KIF13A: variants seen among roughly 807,000 people sequenced by gnomAD.
The protein encoded by KIF13A is kinesin family member 13A.
KIF13A carries 79 observed loss-of-function variants against 212.2 expected under a neutral mutation model. That is an observed-to-expected ratio of 0.37 (90% confidence interval 0.31 to 0.45). KIF13A has a LOEUF of 0.45. Among genes scored for constraint, KIF13A ranks in the 20% least tolerant of loss-of-function variants. The pLI, the probability that KIF13A is intolerant of heterozygous loss-of-function variation, is 1.00. For synonymous variants in KIF13A, 789 were observed against 808.6 expected, an observed-to-expected ratio of 0.98 and a Z score of 0.41; for missense variants, 1,901 against 2,209.0, an observed-to-expected ratio of 0.86 and a Z score of 2.79.
Position 17,892,613 on chromosome 6 carries a change from A to T in KIF13A, c.159+5555T>A, listed in dbSNP as rs1233966836. Among the ~76,000 whole-genome samples, 1 of 152,218 alleles carries T rather than the reference A, an allele frequency of 6.6e-6. No individual in the cohort carries two copies. On this transcript the variant is annotated intron_variant, in intron 3 of 38. Coordinates refer to ENST00000259711, the MANE Select transcript of KIF13A (RefSeq NM_022113.6). This position sits in a 1 kb window ranked among gnomAD's most constrained non-coding sequence, Gnocchi z 4.7. Reference sequence around the variant, plus strand: ...CAAGGCAGGATTAGAGGGTTGGAACATTTAGCCCAATTCTTGACTTCTGGG... The same window carrying T: ...CAAGGCAGGATTAGAGGGTTGGAACTTTTAGCCCAATTCTTGACTTCTGGG...
At chr6:17,830,942 T>C (rs1765391855) in intron 13 of KIF13A, among the ~76,000 whole-genome samples, 159 bp downstream of exon 13, 3 of 152,226 alleles carry the variant, frequency 2.0e-5, no homozygotes, top group African/African-American at 4.8e-5. Flanking sequence ...AATAGCTGTT[T>C]TTCCTTCTCA....
chr6:17,987,407 A>G lies in KIF13A; in HGVS notation c.55+2T>C. On this transcript the variant is annotated splice_donor_variant, in intron 1 of 38. Transcript: ENST00000259711. LOFTEE classifies it high-confidence loss of function. This position sits in a 1 kb window ranked among gnomAD's most constrained non-coding sequence, Gnocchi z 7.7. ...AATAAAAAAGAGCGGAAAGCTCCTC[A>G]CCTCGTCGGTTCATGGGCCGGACCC... is the stretch of plus-strand genomic sequence containing the variant. 1 of 1,370,746 alleles carries G rather than the reference A, an allele frequency of 7.3e-7. No individual in the cohort carries two copies. The highest frequency in any genetic ancestry group is 9.7e-7 in the Non-Finnish European group (1 of 1,033,492). The allele number at this position is 1,370,746 out of a possible 1,614,324, so 84.9% of individuals were successfully genotyped here.
intron 2 of KIF13A, among the ~76,000 whole-genome samples, chr6:17,933,685 TCCAAAAGC>T (rs1776204280): frequency 6.6e-6 from 1 of 152,184 alleles, no homozygotes; most frequent in African/African-American, 2.4e-5. Flanking sequence ...TATGTACAGT[TCCAAAAGC>T]AACTACTTTA....
chr6:17,796,941 G>T, intron 22 of KIF13A, 121 bp from the exon 23 acceptor site: 1 of 505,922 alleles, frequency 2.0e-6, no homozygotes, highest in Non-Finnish European at 3.1e-6. Flanking sequence ...CCTTAAATCC[G>T]TCTCTTCTGT....
chr6:17,777,200 G>A lies in KIF13A; in HGVS notation c.4170+77C>T. The A allele has an allele frequency of 8.7e-7, 1 of 1,144,754 alleles. No individual in the cohort carries two copies. 70.9% of individuals were successfully genotyped at this position (1,144,754 alleles called of 1,614,324 possible). ...CAGTTCCATAAGCTCTACTGCCACT[G>A]TGTGAATCCCACCTTCCCCCACCCC... is the stretch of plus-strand genomic sequence containing the variant. On this transcript the variant is annotated intron_variant, in intron 34 of 38. Transcript: ENST00000259711. The surrounding 1 kb of genome is among the most constrained non-coding windows in gnomAD (Gnocchi z 4.4).
intron 29 of KIF13A, among the ~76,000 whole-genome samples, chr6:17,781,625 T>G (rs1370786842): frequency 3.2e-5 from 3 of 93,522 alleles, no homozygotes; most frequent in African/African-American, 1.1e-4. Flanking sequence ...GTACTTGGGT[T>G]TTTTTTTTTT....
chr6:17,843,323 G>A lies in KIF13A; in HGVS notation c.831-5740C>T, dbSNP rs975187197. Among the ~76,000 whole-genome samples the A allele has an allele frequency of 6.6e-6, 1 of 152,182 alleles. No individual in the cohort carries two copies. The highest frequency in any genetic ancestry group is 1.5e-5 in the Non-Finnish European group (1 of 68,040). On this transcript the variant is annotated intron_variant, in intron 9 of 38. Coordinates refer to ENST00000259711, the MANE Select transcript of KIF13A (RefSeq NM_022113.6). This position sits in a 1 kb window ranked among gnomAD's most constrained non-coding sequence, Gnocchi z 5.3. The stretch of plus-strand genomic sequence containing the variant: ...TGCTAACAGAACACTGGTTTTCCTG[G>A]AAGCAATGTGCTGGGCTAAAAACTC...
chr6:17,837,453 C>G lies in KIF13A; in HGVS notation c.942+19G>C. The G allele has an allele frequency of 6.5e-7, 1 of 1,544,220 alleles. No individual in the cohort carries two copies. Among genetic ancestry groups the G allele is most frequent in the Non-Finnish European group, 8.9e-7 (1 of 1,126,586 alleles). ...TAGCCAATTTTTAGTTGGAAAAGAA[C>G]ACTAGAGCAATGGATTACCTTAAGC... On this transcript the variant is annotated intron_variant, in intron 10 of 38. Transcript: ENST00000259711. This position sits in a 1 kb window ranked among gnomAD's most constrained non-coding sequence, Gnocchi z 5.4.
intron 2 of KIF13A, among the ~76,000 whole-genome samples, chr6:17,923,602 T>C (rs1775263545): frequency 6.6e-6 from 1 of 152,054 alleles, no homozygotes; most frequent in African/African-American, 2.4e-5. Context: ...ATATGGTTAT[T>C]GGGGTGACCC....
chr6:17,933,725 G>A (rs866808527), intron 2 of KIF13A, among the ~76,000 whole-genome samples: 1 of 152,098 alleles, frequency 6.6e-6, no homozygotes, highest in Non-Finnish European at 1.5e-5. Flanking sequence ...TTCTAAGTAT[G>A]AGTGAAATAT....
Position 17,912,176 on chromosome 6 carries a change from T to C in KIF13A, c.147-13996A>G, listed in dbSNP as rs1774130757. ...ACCCCATTCTCCATGATGTGATTATTACGCATTGCATGCCTACATCAAAAC... is the reference window on the plus strand; with the variant it reads ...ACCCCATTCTCCATGATGTGATTATCACGCATTGCATGCCTACATCAAAAC... On this transcript the variant is annotated intron_variant, in intron 2 of 38. Transcript: ENST00000259711. This position sits in a 1 kb window ranked among gnomAD's most constrained non-coding sequence, Gnocchi z 4.2. Among the ~76,000 whole-genome samples the C allele has an allele frequency of 6.6e-6, 1 of 152,216 alleles. No individual in the cohort carries two copies.
chr6:17,963,782 C>A lies in KIF13A; in HGVS notation c.146+23272G>T, dbSNP rs1198496948. 6.6e-6 allele frequency among the ~76,000 whole-genome samples: 1 copy of A among 152,172 alleles called. No homozygotes were observed. The highest frequency in any genetic ancestry group is 1.5e-5 in the Non-Finnish European group (1 of 68,030). On this transcript the variant is annotated intron_variant, in intron 2 of 38. Coordinates refer to ENST00000259711, the MANE Select transcript of KIF13A (RefSeq NM_022113.6). This position sits in a 1 kb window ranked among gnomAD's most constrained non-coding sequence, Gnocchi z 4.1. ...ATGTTGGCCAAGCTGGTTTCATACT[C>A]CTGACCTTGTGATCCGCCCACCTCA...
At chr6:17,902,042 T>C (rs892192185) in intron 2 of KIF13A, among the ~76,000 whole-genome samples, 1 of 152,224 alleles carries the variant, frequency 6.6e-6, no homozygotes, top group Admixed American at 6.5e-5. Flanking sequence ...GTCAAAGCCA[T>C]GACTCTTAGT....
chr6:17,987,355 G>A lies in KIF13A; in HGVS notation c.55+54C>T. On this transcript the variant is annotated intron_variant, in intron 1 of 38. Coordinates refer to ENST00000259711, the MANE Select transcript of KIF13A (RefSeq NM_022113.6). The surrounding 1 kb of genome is among the most constrained non-coding windows in gnomAD (Gnocchi z 7.7). ...CCGTCCCGGCCCCGCAGTTTCTAAA[G>A]TTGCCCCCGCCCTCAGCCCGAGCAG... 8.2e-7 allele frequency: 1 copy of A among 1,224,378 alleles called. No individual in the cohort carries two copies. The highest frequency in any genetic ancestry group is 1.1e-6 in the Non-Finnish European group (1 of 937,260). 75.8% of individuals were successfully genotyped at this position (1,224,378 alleles called of 1,614,324 possible).
chr6:17,789,917 G>A lies in KIF13A; in HGVS notation c.3223-7C>T. On this transcript the variant is annotated splice_region_variant and splice_polypyrimidine_tract_variant and intron_variant, in intron 25 of 38. Transcript: ENST00000259711. This position sits in a 1 kb window ranked among gnomAD's most constrained non-coding sequence, Gnocchi z 4.8. The stretch of plus-strand genomic sequence containing the variant: ...CACCATCCTCATCATCTCTCTGGTA[G>A]GAAAAAATAAACACAAAGGACAAGC... 6.2e-7 allele frequency: 1 copy of A among 1,611,090 alleles called. No homozygotes were observed. Among genetic ancestry groups the A allele is most frequent in the Admixed American group, 1.7e-5 (1 of 59,784 alleles).
rs1765395814 is a variant in KIF13A at position 17,830,980 on chromosome 6, T to C, written c.1401+121A>G. The stretch of plus-strand genomic sequence containing the variant: ...GGTGATCGGAGGGCACTATCCATCT[T>C]AGTTTTACTGAGGGCTAAGCTGGAT... On this transcript the variant is annotated intron_variant, in intron 13 of 38. Transcript: ENST00000259711. 9 of 835,874 alleles carry C rather than the reference T, an allele frequency of 1.1e-5. No homozygotes were observed. In the Admixed American group the frequency reaches 2.2e-4, roughly 20 times the overall value. 51.8% of individuals were successfully genotyped at this position (835,874 alleles called of 1,614,324 possible).
chr6:17,981,518 G>GAGCGTAGCT (rs1358754149), intron 2 of KIF13A, among the ~76,000 whole-genome samples: 32 of 148,826 alleles, frequency 2.2e-4, no homozygotes, highest in Non-Finnish European at 4.0e-4. Flanking sequence ...TACGCCTCCC[G>GAGCGTAGCT]GGTTCAAGCA....
chr6:17,896,423 ACC>A (rs964626765), intron 3 of KIF13A, among the ~76,000 whole-genome samples: 1 of 152,158 alleles, frequency 6.6e-6, no homozygotes, highest in African/African-American at 2.4e-5. Context: ...CATTAAAAGC[ACC>A]TTTCCCTTTT....
chr6:17,834,298 C>A lies in KIF13A; in HGVS notation c.1156-227G>T, dbSNP rs1306422817. On this transcript the variant is annotated intron_variant, in intron 11 of 38. Transcript: ENST00000259711. This position sits in a 1 kb window ranked among gnomAD's most constrained non-coding sequence, Gnocchi z 4.0. ...TGTCCTGAATGAAAATGAAACAAAT[C>A]ATTAGTCATTTTATCCATTATACTT... Among the ~76,000 whole-genome samples, 1 of 152,166 alleles carries A rather than the reference C, an allele frequency of 6.6e-6. No homozygotes were observed. The highest frequency in any genetic ancestry group is 2.4e-5 in the African/African-American group (1 of 41,432).
Sources: gnomAD v4.1 joint callset for allele counts (sites outside exome capture counted in the v4.1 genomes callset) on GRCh38, gnomAD v4.1.1 for gene constraint, Gnocchi (gnomAD v3.1) non-coding constraint, MANE v1.5 for transcripts, NCBI Gene and HGNC (gene_info 2026-07-23, HGNC 2026-07-21) for gene names.